SLC1A2: variants seen among roughly 807,000 people sequenced by gnomAD.
SLC1A2 encodes the protein solute carrier family 1 member 2, also known as excitatory amino acid transporter 2.
In SLC1A2, 15 loss-of-function variants were observed where a neutral mutation model predicts 48.8. The ratio of observed to expected loss-of-function variants is 0.31; its 90% CI spans 0.21 to 0.47. SLC1A2 has a LOEUF of 0.47. Ranked by LOEUF, SLC1A2 falls within the 20% of genes least tolerant of loss-of-function variation. The probability of loss-of-function intolerance (pLI) is 0.99; values close to 1 mark genes in which losing one functional copy is unlikely to be tolerated. For synonymous variants in SLC1A2, 279 were observed against 272.6 expected (o/e 1.02, Z -0.23); for missense variants, 502 against 730.5 (o/e 0.69, Z 3.61).
intron 1 of SLC1A2, among the ~76,000 whole-genome samples, chr11:35,330,913 T>C (rs1170633807): frequency 6.6e-6 from 1 of 152,242 alleles, no homozygotes. Flanking sequence ...AACTATATGA[T>C]AATAAGTTGT....
At chr11:35,351,622 A>C (rs1395038699) in intron 1 of SLC1A2, among the ~76,000 whole-genome samples, 1 of 152,056 alleles carries the variant, frequency 6.6e-6, no homozygotes, top group Non-Finnish European at 1.5e-5. Context: ...TTATTATTTT[A>C]TTTTTTATTT....
intron 1 of SLC1A2, among the ~76,000 whole-genome samples, chr11:35,361,842 T>C (rs2135131271): frequency 6.6e-6 from 1 of 152,216 alleles, no homozygotes; most frequent in Non-Finnish European, 1.5e-5. Flanking sequence ...CTGGGCATGG[T>C]GATGCCTGCC....
Position 35,321,778 on chromosome 11 carries a change from G to A in SLC1A2, c.18-4262C>T, listed in dbSNP as rs866325589. ...CCAAATCTGGTCTGGGAAGTCCACC[G>A]GATACACAGTAAGTCACGTCCAGTG... On this transcript the variant is annotated intron_variant, in intron 1 of 10. Transcript: ENST00000278379. Among the ~76,000 whole-genome samples the A allele has an allele frequency of 5.3e-5, 8 of 152,088 alleles. No homozygotes were observed. The East Asian group carries it at 5.8e-4, about 11-fold the overall frequency.
At chr11:35,378,569 C>T (rs887614572) in intron 1 of SLC1A2, among the ~76,000 whole-genome samples, 1 of 152,128 alleles carries the variant, frequency 6.6e-6, no homozygotes, top group Non-Finnish European at 1.5e-5. Context: ...AACTAAGAAC[C>T]ACCTAGTATA....
intron 1 of SLC1A2, among the ~76,000 whole-genome samples, chr11:35,356,267 C>A (rs1050268617): frequency 1.3e-5 from 2 of 152,340 alleles, no homozygotes; most frequent in Admixed American, 6.5e-5. Flanking sequence ...TCGACCCATA[C>A]AATATCCCTA....
chr11:35,359,698 C>A (rs1233141066), intron 1 of SLC1A2, among the ~76,000 whole-genome samples: 1 of 152,212 alleles, frequency 6.6e-6, no homozygotes, highest in African/African-American at 2.4e-5. Flanking sequence ...GGCTCACTGC[C>A]AGGCACTGGC....
Position 35,360,132 on chromosome 11 carries a change from G to A in SLC1A2, c.18-42616C>T, listed in dbSNP as rs147792136. ...ATCACAGTCCTGCTATACTATAGAG[G>A]AAAAGCTGTCGGGGGCTTTAAAGTT... is the stretch of plus-strand genomic sequence containing the variant. On this transcript the variant is annotated intron_variant, in intron 1 of 10. Coordinates refer to ENST00000278379, the MANE Select transcript of SLC1A2 (RefSeq NM_004171.4). 11 of 981,406 alleles carry A rather than the reference G, an allele frequency of 1.1e-5. No individual in the cohort carries two copies. In the East Asian group the frequency reaches 9.1e-4, roughly 81 times the overall value. The allele number at this position is 981,406 out of a possible 1,614,324, so 60.8% of individuals were successfully genotyped here.
chr11:35,297,988 A>G (rs1591441798), intron 6 of SLC1A2: 1 of 152,234 alleles, frequency 6.6e-6, no homozygotes, highest in Non-Finnish European at 1.5e-5. Flanking sequence ...ACAACTTGCA[A>G]TAGGAGGATC....
chr11:35,402,990 C>T (rs1855180093), intron 1 of SLC1A2, among the ~76,000 whole-genome samples: 1 of 152,218 alleles, frequency 6.6e-6, no homozygotes, highest in African/African-American at 2.4e-5. Flanking sequence ...TGGGTATGCA[C>T]CAAGTGTTAG....
chr11:35,376,900 CT>C (rs1854254832), intron 1 of SLC1A2, among the ~76,000 whole-genome samples: 1 of 152,178 alleles, frequency 6.6e-6, no homozygotes, highest in Admixed American at 6.6e-5. Context: ...TTGATGGAAG[CT>C]GCTAGGAAAA....
intron 1 of SLC1A2, among the ~76,000 whole-genome samples, chr11:35,375,259 G>A (rs1356602052): frequency 6.6e-6 from 1 of 152,160 alleles, no homozygotes; most frequent in East Asian, 1.9e-4. Flanking sequence ...TAGATACCAA[G>A]ACATTGAAGC....
chr11:35,395,144 G>A (rs930410190), intron 1 of SLC1A2, among the ~76,000 whole-genome samples: 2 of 152,150 alleles, frequency 1.3e-5, no homozygotes, highest in Non-Finnish European at 2.9e-5. Flanking sequence ...GGACAGGAGT[G>A]GGAGTTTGCC....
chr11:35,294,198 T>C (rs1369748967), intron 6 of SLC1A2, among the ~76,000 whole-genome samples: 1 of 152,222 alleles, frequency 6.6e-6, no homozygotes, highest in Non-Finnish European at 1.5e-5. Context: ...TATAGCAACA[T>C]ATTCTCTCAA....
intron 1 of SLC1A2, among the ~76,000 whole-genome samples, chr11:35,410,388 G>A (rs575720355): frequency 7.9e-5 from 12 of 152,266 alleles, no homozygotes; most frequent in African/African-American, 2.9e-4. Context: ...TATTCCTCCT[G>A]ACTACCTGAA....
At chr11:35,287,641 G>T (rs1171471492) in intron 7 of SLC1A2, among the ~76,000 whole-genome samples, 1 of 152,184 alleles carries the variant, frequency 6.6e-6, no homozygotes, top group Non-Finnish European at 1.5e-5. Context: ...GACTAAATAT[G>T]AAGGGACTTC....
chr11:35,371,660 C>A (rs1854067696), intron 1 of SLC1A2, among the ~76,000 whole-genome samples: 1 of 152,174 alleles, frequency 6.6e-6, no homozygotes, highest in South Asian at 2.1e-4. Flanking sequence ...TGTTTCTTTG[C>A]TGAACAGTCA....
Position 35,315,012 on chromosome 11 carries a change from G to T in SLC1A2, c.310+11C>A. 1 of 1,606,144 alleles carries T rather than the reference G, an allele frequency of 6.2e-7. No homozygotes were observed. On this transcript the variant is annotated intron_variant, in intron 3 of 10. Transcript: ENST00000278379. ...ACCCATGTTAGCCAGGCACTAGTGA[G>T]GTAGTCTTACCTGTGATTAAGCTGG...
At chr11:35,273,544 G>A (rs1342878657) in intron 9 of SLC1A2, among the ~76,000 whole-genome samples, 1 of 152,200 alleles carries the variant, frequency 6.6e-6, no homozygotes, top group African/African-American at 2.4e-5. Flanking sequence ...TATATAAAAG[G>A]CTTATATGAC....
intron 1 of SLC1A2, among the ~76,000 whole-genome samples, chr11:35,373,107 C>A (rs960096311): frequency 1.4e-4 from 21 of 152,304 alleles, no homozygotes; most frequent in African/African-American, 5.1e-4. Flanking sequence ...CACACCAGAG[C>A]AGGGCATGAG....
Sources: gnomAD v4.1 joint callset for allele counts (sites outside exome capture counted in the v4.1 genomes callset) on GRCh38, gnomAD v4.1.1 for gene constraint, MANE v1.5 for transcripts, NCBI Gene and HGNC (gene_info 2026-07-23, HGNC 2026-07-21) for gene names.